NAALADL2: variants seen among roughly 807,000 people sequenced by gnomAD.
NAALADL2 encodes the protein inactive N-acetylated-alpha-linked acidic dipeptidase-like protein 2.
In NAALADL2, 76 loss-of-function variants were observed where a neutral mutation model predicts 87.2. That is an observed-to-expected ratio of 0.87 (90% CI 0.72 to 1.05). The LOEUF is 1.05. Among genes scored for constraint, NAALADL2 ranks in the 50% least tolerant of loss-of-function variants. The pLI is 0.00. For missense variants in NAALADL2, 1,089 were observed against 945.8 expected, an observed-to-expected ratio of 1.15 and a Z score of -1.99; for synonymous variants, 354 against 331.0, an observed-to-expected ratio of 1.07 and a Z score of -0.75.
At chr3:174,693,471 A>G (rs919080507) in intron 2 of NAALADL2, among the ~76,000 whole-genome samples, 11 of 152,160 alleles carry the variant, frequency 7.2e-5, no homozygotes, top group Non-Finnish European at 1.5e-4. Flanking sequence ...CAACTCCAGT[A>G]TTCAGGATCT....
intron 10 of NAALADL2, among the ~76,000 whole-genome samples, chr3:175,600,229 C>T (rs191576306): frequency 6.6e-6 from 1 of 151,484 alleles, no homozygotes; most frequent in Admixed American, 6.6e-5. Flanking sequence ...CTATATAAAT[C>T]TCTCTATATT....
At chr3:175,129,720 G>A (rs867584176) in intron 2 of NAALADL2, among the ~76,000 whole-genome samples, 4 of 151,952 alleles carry the variant, frequency 2.6e-5, no homozygotes, top group African/African-American at 4.8e-5. Context: ...CCATTCATCC[G>A]TTGACAGACA....
intron 5 of NAALADL2, among the ~76,000 whole-genome samples, chr3:175,353,823 G>T (rs995875287): frequency 6.6e-6 from 1 of 152,090 alleles, no homozygotes; most frequent in East Asian, 1.9e-4. Context: ...AATACTTTCA[G>T]TGTCTATGAG....
chr3:175,772,657 C>CTT (rs1749665799), intron 13 of NAALADL2, among the ~76,000 whole-genome samples: 3 of 152,182 alleles, frequency 2.0e-5, no homozygotes, highest in South Asian at 4.1e-4. Flanking sequence ...AGGGTTCCGT[C>CTT]TTTGATCTCA....
intron 2 of NAALADL2, among the ~76,000 whole-genome samples, chr3:174,727,678 CAGTGTGATAT>C (rs767332608): frequency 9.9e-5 from 15 of 152,228 alleles, no homozygotes; most frequent in Non-Finnish European, 1.8e-4. Flanking sequence ...CATCCTCCAC[CAGTGTGATAT>C]ATTTGTTATA....
intron 2 of NAALADL2, among the ~76,000 whole-genome samples, chr3:174,561,699 C>T (rs1578175529): frequency 6.6e-6 from 1 of 152,274 alleles, no homozygotes; most frequent in South Asian, 2.1e-4. Flanking sequence ...AATCAGAAGC[C>T]TGACTAGAGA....
chr3:174,836,823 A>T (rs532202097), intron 3 of NAALADL2, among the ~76,000 whole-genome samples: 1 of 152,104 alleles, frequency 6.6e-6, no homozygotes, highest in Non-Finnish European at 1.5e-5. Context: ...TAGTAGTTCA[A>T]TCCTTACCAC....
chr3:175,472,388 A>G (rs1725038325), intron 9 of NAALADL2, among the ~76,000 whole-genome samples: 1 of 152,186 alleles, frequency 6.6e-6, no homozygotes, highest in African/African-American at 2.4e-5. Context: ...GTTTATTAGT[A>G]GAGTTCACAC....
chr3:174,669,802 TAATTG>T (rs1726350557), intron 2 of NAALADL2, among the ~76,000 whole-genome samples: 1 of 152,074 alleles, frequency 6.6e-6, no homozygotes, highest in South Asian at 2.1e-4. Context: ...GATACATAGT[TAATTG>T]AATCTGTAGG....
intron 2 of NAALADL2, among the ~76,000 whole-genome samples, chr3:175,199,947 T>C (rs1194724625): frequency 7.5e-6 from 1 of 132,754 alleles, no homozygotes; most frequent in Non-Finnish European, 1.6e-5. Flanking sequence ...GGAAAAATAA[T>C]ACAGGTTAAC....
At chr3:175,074,055 G>T (rs1392567726) in intron 1 of NAALADL2, among the ~76,000 whole-genome samples, 1 of 151,976 alleles carries the variant, frequency 6.6e-6, no homozygotes, top group South Asian at 2.1e-4. Flanking sequence ...TAAGGGTGGG[G>T]ATTTTAGCTT....
chr3:175,474,893 C>T (rs1725448388), intron 9 of NAALADL2, among the ~76,000 whole-genome samples: 1 of 151,934 alleles, frequency 6.6e-6, no homozygotes, highest in Non-Finnish European at 1.5e-5. Flanking sequence ...TTCTATTCCT[C>T]CACCTTGCTC....
At chr3:175,353,745 C>T (rs1764042235) in intron 5 of NAALADL2, among the ~76,000 whole-genome samples, 1 of 152,228 alleles carries the variant, frequency 6.6e-6, no homozygotes, top group Non-Finnish European at 1.5e-5. Flanking sequence ...CTAATTCCCT[C>T]AAACCTAGTT....
chr3:174,717,613 G>T (rs1245806445), intron 2 of NAALADL2, among the ~76,000 whole-genome samples: 2 of 152,044 alleles, frequency 1.3e-5, no homozygotes, highest in Non-Finnish European at 2.9e-5. Context: ...TGTAGTCTCA[G>T]TATAGTAATT....
chr3:175,325,280 T>G (rs530709711), intron 5 of NAALADL2, among the ~76,000 whole-genome samples: 1 of 152,330 alleles, frequency 6.6e-6, no homozygotes, highest in Admixed American at 6.5e-5. Context: ...TTGAATCACA[T>G]ATGAATTATA....
intron 3 of NAALADL2, among the ~76,000 whole-genome samples, chr3:174,820,848 C>A (rs199795811): frequency 6.8e-6 from 1 of 147,720 alleles, no homozygotes; most frequent in African/African-American, 2.5e-5. Context: ...TAAAAAAAAA[C>A]ATTTGTTCCT....
intron 1 of NAALADL2, among the ~76,000 whole-genome samples, chr3:174,996,760 A>G (rs1747519899): frequency 6.6e-6 from 1 of 152,050 alleles, no homozygotes; most frequent in Admixed American, 6.5e-5. Context: ...CACTGTACCC[A>G]ATATGTAGTC....
At chr3:174,809,412 G>C (rs987531919) in intron 3 of NAALADL2, among the ~76,000 whole-genome samples, 24 of 152,250 alleles carry the variant, frequency 1.6e-4, no homozygotes, top group Middle Eastern at 3.4e-3. Flanking sequence ...CAAGAATCTA[G>C]GGCACTATGT....
intron 2 of NAALADL2, among the ~76,000 whole-genome samples, chr3:175,216,922 C>A (rs1412303479): frequency 6.6e-6 from 1 of 152,116 alleles, no homozygotes; most frequent in African/African-American, 2.4e-5. Context: ...CCGCCTCAGC[C>A]TCCCAAAGGG....
Sources: allele counts gnomAD v4.1 joint callset (sites outside exome capture counted in the v4.1 genomes callset), GRCh38; gene constraint gnomAD v4.1.1; transcripts MANE v1.5; gene names NCBI Gene and HGNC (gene_info 2026-07-23, HGNC 2026-07-21).